CDYL2: variants seen among roughly 807,000 people sequenced by gnomAD.
CDYL2 encodes chromodomain Y like 2.
CDYL2 carries 23 observed loss-of-function variants against 49.4 expected under a neutral mutation model. The observed-to-expected ratio is 0.47, with a 90% CI of 0.34 to 0.66. The LOEUF (loss-of-function observed/expected upper bound fraction) is 0.66. Among genes scored for constraint, CDYL2 ranks in the 30% least tolerant of loss-of-function variants. The pLI, the probability that CDYL2 is intolerant of heterozygous loss-of-function variation, is 0.01. For missense variants in CDYL2, 678 were observed against 656.4 expected, an observed-to-expected ratio of 1.03 and a Z score of -0.36; for synonymous variants, 360 against 268.8, an observed-to-expected ratio of 1.34 and a Z score of -3.32.
At chr16:80,780,697 C>T (rs1248842931) in intron 1 of CDYL2, among the ~76,000 whole-genome samples, 5 of 152,062 alleles carry the variant, frequency 3.3e-5, no homozygotes, top group African/African-American at 4.8e-5. Flanking sequence ...AGCCACCGCG[C>T]CCGGCCCAGA....
At chr16:80,695,587 T>G (rs1910586577) in intron 1 of CDYL2, among the ~76,000 whole-genome samples, 1 of 151,966 alleles carries the variant, frequency 6.6e-6, no homozygotes, top group African/African-American at 2.4e-5. Flanking sequence ...AAACCAAAAA[T>G]GAGCAGAAGT....
rs1029537590 is a variant in CDYL2 at position 80,599,974 on chromosome 16, C to T, written c.*4414G>A. ...GCATTCAGTCCATCAGCATGGCTTA[C>T]GTTGCATGGAGGAAACAACCCGTAT... On this transcript the variant is annotated 3_prime_UTR_variant, in exon 7 of 7. Coordinates refer to ENST00000570137, the MANE Select transcript of CDYL2 (RefSeq NM_152342.4). 6 of 152,272 alleles carry T rather than the reference C, an allele frequency of 3.9e-5. No homozygotes were observed. Among genetic ancestry groups the T allele is most frequent in the Admixed American group, 6.5e-5 (1 of 15,296 alleles). The allele number at this position is 152,272 out of a possible 1,614,324, so 9.4% of individuals were successfully genotyped here.
At chr16:80,699,944 C>T (rs1254371197) in intron 1 of CDYL2, among the ~76,000 whole-genome samples, 2 of 151,966 alleles carry the variant, frequency 1.3e-5, no homozygotes, top group African/African-American at 4.8e-5. Flanking sequence ...CTCCGCTCAC[C>T]GCAAGCCCCG....
intron 1 of CDYL2, among the ~76,000 whole-genome samples, chr16:80,763,673 G>C (rs1272554177): frequency 1.3e-5 from 2 of 152,092 alleles, no homozygotes; most frequent in African/African-American, 4.8e-5. Flanking sequence ...AAGACTAAGA[G>C]AGGAAGGGAA....
intron 2 of CDYL2, among the ~76,000 whole-genome samples, chr16:80,634,737 A>G (rs559054208): frequency 1.5e-4 from 23 of 152,226 alleles, no homozygotes; most frequent in Admixed American, 2.6e-4. Flanking sequence ...TTCTTTAATC[A>G]AGACACAAAC....
chr16:80,698,905 A>G (rs1023743775), intron 1 of CDYL2, among the ~76,000 whole-genome samples: 15 of 152,156 alleles, frequency 9.9e-5, no homozygotes, highest in Non-Finnish European at 2.1e-4. Flanking sequence ...ATACAATATG[A>G]AAAAATGCTC....
At chr16:80,788,166 G>A (rs948188845) in intron 1 of CDYL2, among the ~76,000 whole-genome samples, 1 of 152,184 alleles carries the variant, frequency 6.6e-6, no homozygotes, top group Non-Finnish European at 1.5e-5. Context: ...GACTGACCAA[G>A]AAATGTTACC....
chr16:80,734,915 A>G (rs553173161), intron 1 of CDYL2, among the ~76,000 whole-genome samples: 1 of 152,292 alleles, frequency 6.6e-6, no homozygotes, highest in Non-Finnish European at 1.5e-5. Flanking sequence ...CCAGGCTATG[A>G]TGCTGTTGAT....
chr16:80,653,179 A>T (rs911998430), intron 2 of CDYL2, among the ~76,000 whole-genome samples: 2 of 152,228 alleles, frequency 1.3e-5, no homozygotes, highest in African/African-American at 4.8e-5. Context: ...TAAAAAGTGA[A>T]ATTTGGCTGG....
chr16:80,712,189 G>GTACATATATA (rs527296483), intron 1 of CDYL2, among the ~76,000 whole-genome samples: 1,106 of 75,820 alleles, frequency 0.015, 30 homozygotes, highest in African/African-American at 0.034. Flanking sequence ...GTGTCTGTGT[G>GTACATATATA]TGTATATATA....
At chr16:80,639,096 G>A (rs1907966889) in intron 2 of CDYL2, among the ~76,000 whole-genome samples, 1 of 152,150 alleles carries the variant, frequency 6.6e-6, no homozygotes, top group South Asian at 2.1e-4. Context: ...ATATTGAAAT[G>A]ACATTCACCA....
chr16:80,795,201 C>G (rs557199901), intron 1 of CDYL2, among the ~76,000 whole-genome samples: 2 of 152,224 alleles, frequency 1.3e-5, no homozygotes, highest in Admixed American at 6.5e-5. Flanking sequence ...ATAGAGGAAT[C>G]TGTAGTATGG....
At chr16:80,657,382 G>C (rs1159282392) in intron 2 of CDYL2, among the ~76,000 whole-genome samples, 5 of 152,132 alleles carry the variant, frequency 3.3e-5, no homozygotes, top group Non-Finnish European at 7.3e-5. Context: ...GTGTATCACA[G>C]ATAAAAGGCT....
intron 1 of CDYL2, among the ~76,000 whole-genome samples, chr16:80,784,100 T>C (rs184889529): frequency 8.1e-4 from 123 of 152,330 alleles, no homozygotes; most frequent in African/African-American, 2.8e-3. Context: ...TAAGTACTTT[T>C]GACATCAAAA....
At chr16:80,657,640 T>C (rs1019004858) in intron 2 of CDYL2, among the ~76,000 whole-genome samples, 2 of 152,022 alleles carry the variant, frequency 1.3e-5, no homozygotes, top group Non-Finnish European at 2.9e-5. Context: ...ATTCAAGACC[T>C]TGACAATATA....
At chr16:80,623,850 C>T (rs563226484) in intron 3 of CDYL2, among the ~76,000 whole-genome samples, 3 of 152,278 alleles carry the variant, frequency 2.0e-5, no homozygotes, top group African/African-American at 7.2e-5. Context: ...CATCTGAAGA[C>T]CTCCACATGA....
intron 2 of CDYL2, among the ~76,000 whole-genome samples, chr16:80,665,827 A>G (rs1909239477): frequency 6.6e-6 from 1 of 152,214 alleles, no homozygotes; most frequent in Non-Finnish European, 1.5e-5. Flanking sequence ...TGGAAAAGTC[A>G]CAAAAGTAAC....
chr16:80,616,625 G>T (rs1906837892), intron 4 of CDYL2, among the ~76,000 whole-genome samples: 1 of 152,046 alleles, frequency 6.6e-6, no homozygotes, highest in Non-Finnish European at 1.5e-5. Flanking sequence ...CACCATCCTG[G>T]GGCCCCCAGA....
At chr16:80,760,524 G>T (rs566495005) in intron 1 of CDYL2, among the ~76,000 whole-genome samples, 41 of 152,112 alleles carry the variant, frequency 2.7e-4, no homozygotes, top group Admixed American at 8.5e-4. Context: ...ATGCTTGAGG[G>T]AATGGATTCC....
Sources: gnomAD v4.1 joint callset for allele counts (sites outside exome capture counted in the v4.1 genomes callset) on GRCh38, gnomAD v4.1.1 for gene constraint, MANE v1.5 for transcripts, NCBI Gene and HGNC (gene_info 2026-07-23, HGNC 2026-07-21) for gene names.